SYK: variants seen among roughly 807,000 people sequenced by gnomAD.
SYK encodes the protein tyrosine-protein kinase SYK.
SYK carries 16 observed loss-of-function variants against 77.8 expected under a neutral mutation model. That is an observed-to-expected ratio of 0.21 (90% confidence interval 0.14 to 0.31). The LOEUF is 0.31. Ranked by LOEUF, SYK falls within the 10% of genes least tolerant of loss-of-function variation. The pLI is 1.00. For missense variants in SYK, 529 were observed against 814.4 expected (o/e 0.65, Z 4.26); for synonymous variants, 312 against 308.7 (o/e 1.01, Z -0.11).
chr9:90,863,370 C>T (rs1355922427), intron 4 of SYK, among the ~76,000 whole-genome samples: 1 of 152,208 alleles, frequency 6.6e-6, no homozygotes, highest in African/African-American at 2.4e-5. Context: ...TGGGGCCACA[C>T]ATGCAGTCAA....
At chr9:90,842,756 AGAGTGTGTGT>A (rs201945175) in intron 1 of SYK, among the ~76,000 whole-genome samples, 4,602 of 143,686 alleles carry the variant, frequency 0.032, 157 homozygotes, top group African/African-American at 0.077. Flanking sequence ...TGGTATGGAG[AGAGTGTGTGT>A]GTGTGTGTGT....
chr9:90,836,345 T>G (rs925569937), intron 1 of SYK, among the ~76,000 whole-genome samples: 1 of 151,620 alleles, frequency 6.6e-6, no homozygotes, highest in Non-Finnish European at 1.5e-5. Context: ...ACAAAATATA[T>G]GTAGTCTATT....
intron 1 of SYK, among the ~76,000 whole-genome samples, chr9:90,804,577 A>G (rs1824743203): frequency 6.6e-6 from 1 of 152,162 alleles, no homozygotes; most frequent in Non-Finnish European, 1.5e-5. Flanking sequence ...GTTTAGCTAT[A>G]ACTGGGTGGA....
At chr9:90,840,115 G>T (rs1826239160) in intron 1 of SYK, among the ~76,000 whole-genome samples, 1 of 152,160 alleles carries the variant, frequency 6.6e-6, no homozygotes, top group South Asian at 2.1e-4. Context: ...TGCACCAAGG[G>T]CGCCTGGAAA....
chr9:90,884,327 A>G lies in SYK; in HGVS notation c.1582-3422A>G, dbSNP rs1467477812. ...TATACACACATATACACATACACAT[A>G]CGTGTATATATACACACATACACAT... is the stretch of plus-strand genomic sequence containing the variant. On this transcript the variant is annotated intron_variant, in intron 11 of 13. Coordinates refer to ENST00000375754, the MANE Select transcript of SYK (RefSeq NM_003177.7). 3.3e-5 allele frequency among the ~76,000 whole-genome samples: 5 copies of G among 150,878 alleles called. No homozygotes were observed. The South Asian group carries it at 1.1e-3, about 32-fold the overall frequency.
At chr9:90,850,289 C>T (rs184967291) in intron 3 of SYK, among the ~76,000 whole-genome samples, 4 of 152,274 alleles carry the variant, frequency 2.6e-5, no homozygotes, top group South Asian at 4.1e-4. Context: ...GAGGCTGAGG[C>T]GGGCAATCAC....
chr9:90,865,999 C>T (rs1254877957), intron 6 of SYK, among the ~76,000 whole-genome samples: 5 of 136,374 alleles, frequency 3.7e-5, no homozygotes, highest in African/African-American at 5.4e-5. Flanking sequence ...CCCGGGTTCA[C>T]GCCATTCTCC....
intron 3 of SYK, among the ~76,000 whole-genome samples, chr9:90,851,991 G>A (rs190873084): frequency 2.0e-5 from 3 of 152,234 alleles, no homozygotes; most frequent in Non-Finnish European, 2.9e-5. Flanking sequence ...AAAAGATAAT[G>A]TAATATTTTA....
chr9:90,841,714 T>C (rs1826357009), intron 1 of SYK, among the ~76,000 whole-genome samples: 2 of 151,004 alleles, frequency 1.3e-5, no homozygotes, highest in Admixed American at 6.6e-5. Flanking sequence ...GTGATGTGTG[T>C]AGTGTGTACT....
rs773064875 is a variant in SYK at position 90,874,211 on chromosome 9, C to A, written c.923C>A (p.Pro308His). Residue 308 changes from proline (P) to histidine (H), a missense_variant, in exon 8 of 14, where the codon CCT (proline) becomes CAT (histidine). Transcript: ENST00000375754. ...GTCCTTTATGTACTTTAGTCCTCCC[C>A]TGCCCAAGGGAACCGGCAAGAGAGT... The part of the protein sequence containing the change: ...FPKPGHRKSS[P>H]AQGNRQESTV... 10 of 1,614,152 alleles carry A rather than the reference C, an allele frequency of 6.2e-6. No homozygotes were observed. In the East Asian group the frequency reaches 2.0e-4, roughly 32 times the overall value.
chr9:90,866,524 T>C (rs545857912), intron 6 of SYK, among the ~76,000 whole-genome samples: 1 of 152,326 alleles, frequency 6.6e-6, no homozygotes, highest in East Asian at 1.9e-4. Context: ...ATCTTAATAT[T>C]ATAGGCTCGG....
rs151320614 is a variant in SYK at position 90,817,283 on chromosome 9, T to C, written c.-42+15390T>C. ...TTTATTTCTGGAAATTTTATAACTT[T>C]AAACATGTGTTTTACTCCTTTATTT... is the stretch of plus-strand genomic sequence containing the variant. On this transcript the variant is annotated intron_variant, in intron 1 of 13. Transcript: ENST00000375754. Among the ~76,000 whole-genome samples, 547 of 152,334 alleles carry C rather than the reference T, an allele frequency of 3.6e-3. 5 individuals are homozygous for C. Among genetic ancestry groups the C allele is most frequent in the African/African-American group, 0.012 (499 of 41,572 alleles).
chr9:90,887,484 C>T (rs528258267), intron 11 of SYK, among the ~76,000 whole-genome samples: 1 of 147,246 alleles, frequency 6.8e-6, no homozygotes, highest in South Asian at 2.1e-4. Flanking sequence ...GAGATCACTG[C>T]AACCTCTGCC....
At chr9:90,850,970 G>T (rs75529335) in intron 3 of SYK, among the ~76,000 whole-genome samples, 4 of 152,128 alleles carry the variant, frequency 2.6e-5, no homozygotes, top group Non-Finnish European at 4.4e-5. Context: ...TGTCCAACTC[G>T]GATCCCAGTT....
Position 90,875,240 on chromosome 9 carries a change from A to AAAATAAAT in SYK, c.1181+411_1181+418dup, listed in dbSNP as rs201667821. On this transcript the variant is annotated intron_variant, in intron 9 of 13. Transcript: ENST00000375754. Reference sequence around the variant, plus strand: ...ATAGCAAGACCCTGTCTCTACAAAAAAAATAAATAAATAAATAAATAAATA... The same window carrying AAAATAAAT: ...ATAGCAAGACCCTGTCTCTACAAAAAAAATAAATAAATAAATAAATAAATAAATAAATA... Among the ~76,000 whole-genome samples the AAAATAAAT allele has an allele frequency of 2.8e-4, 42 of 151,098 alleles. 1 individual carries two copies. In the East Asian group the frequency reaches 4.7e-3, roughly 17 times the overall value.
chr9:90,851,826 G>T (rs1430711126), intron 3 of SYK, among the ~76,000 whole-genome samples: 1 of 152,160 alleles, frequency 6.6e-6, no homozygotes, highest in East Asian at 1.9e-4. Flanking sequence ...CAGGATTGAG[G>T]GGTCCGAAGC....
At chr9:90,859,802 C>T (rs1010555996) in intron 3 of SYK, among the ~76,000 whole-genome samples, 10 of 152,212 alleles carry the variant, frequency 6.6e-5, no homozygotes, top group African/African-American at 2.4e-4. Context: ...TGGAATGGTA[C>T]TTCCCTGGGG....
At chr9:90,857,527 G>A (rs1212124957) in intron 3 of SYK, among the ~76,000 whole-genome samples, 1 of 152,238 alleles carries the variant, frequency 6.6e-6, no homozygotes, top group African/African-American at 2.4e-5. Flanking sequence ...GCCTCAGATA[G>A]GGATTGTGTA....
chr9:90,829,779 T>A (rs1825813410), intron 1 of SYK, among the ~76,000 whole-genome samples: 1 of 152,236 alleles, frequency 6.6e-6, no homozygotes, highest in East Asian at 1.9e-4. Flanking sequence ...GGTTGTTTAT[T>A]TATAACTACA....
Sources: allele counts gnomAD v4.1 joint callset (sites outside exome capture counted in the v4.1 genomes callset), GRCh38; gene constraint gnomAD v4.1.1; transcripts MANE v1.5; gene names NCBI Gene and HGNC (gene_info 2026-07-23, HGNC 2026-07-21).